The following PUS1 variants were observed in gnomAD, a reference collection of about 807,000 sequenced individuals.
PUS1 encodes pseudouridylate synthase 1 homolog.
In PUS1, 25 loss-of-function variants were observed where a neutral mutation model predicts 38.5. The ratio of observed to expected loss-of-function variants is 0.65; its 90% CI spans 0.47 to 0.91. The LOEUF is 0.91. Ranked by LOEUF, PUS1 falls within the 40% of genes least tolerant of loss-of-function variation. PUS1 has a pLI of 0.00. For synonymous variants in PUS1, 282 were observed against 260.4 expected (o/e 1.08, Z -0.80); for missense variants, 597 against 612.3 (o/e 0.97, Z 0.26).
chr12:131,942,606 C>CAG (rs1891134396), intron 5 of PUS1, among the ~76,000 whole-genome samples: 1 of 152,124 alleles, frequency 6.6e-6, no homozygotes, highest in Non-Finnish European at 1.5e-5. Context: ...TGGGGTTTCA[C>CAG]CATGTTAGCC....
At position 131,938,916 on chromosome 12, in the gene PUS1, A is replaced by G. The variant is rs1890947224; in HGVS notation, c.442-257A>G. The stretch of plus-strand genomic sequence containing the variant: ...TTTTGTATTTTTAGTAGAGACTAAC[A>G]ATACATTTAGTAGAGACTAACATTT... On this transcript the variant is annotated intron_variant, in intron 3 of 5. Transcript: ENST00000376649. Among the ~76,000 whole-genome samples the G allele has an allele frequency of 2.0e-5, 3 of 151,934 alleles. No homozygotes were observed. The South Asian group carries it at 6.2e-4, about 32-fold the overall frequency.
chr12:131,934,035 C>T (rs1188647755), intron 3 of PUS1, among the ~76,000 whole-genome samples: 2 of 152,114 alleles, frequency 1.3e-5, no homozygotes, highest in South Asian at 2.1e-4. Context: ...GTAGGTGAGG[C>T]GGAGAGGAAG....
chr12:131,940,642 A>G (rs1891022936), intron 4 of PUS1, among the ~76,000 whole-genome samples: 1 of 152,078 alleles, frequency 6.6e-6, no homozygotes, highest in African/African-American at 2.4e-5. Flanking sequence ...CAGTGGCGTG[A>G]TCTCGGCTCA....
intron 3 of PUS1, chr12:131,935,077 G>A (rs914496019): frequency 2.7e-5 from 4 of 147,690 alleles, no homozygotes; most frequent in African/African-American, 9.9e-5. Context: ...CACTCCTAGT[G>A]GGTGAGAACA....
chr12:131,930,359 T>G (rs959895039), intron 2 of PUS1, among the ~76,000 whole-genome samples: 2 of 152,180 alleles, frequency 1.3e-5, no homozygotes, highest in African/African-American at 2.4e-5. Flanking sequence ...CGCTGTTATC[T>G]GGGGCGGGGT....
At chr12:131,942,319 A>C (rs1593297505) in intron 5 of PUS1, among the ~76,000 whole-genome samples, 1 of 152,336 alleles carries the variant, frequency 6.6e-6, no homozygotes, top group African/African-American at 2.4e-5. Context: ...TTGTAGGTGC[A>C]GAAGCTAAAA....
In PUS1 at chr12:131,931,934, C is replaced by T. The variant is rs888602882; in HGVS notation, c.304-241C>T. 41 of 624,238 alleles carry T rather than the reference C, an allele frequency of 6.6e-5. No individual in the cohort carries two copies. In the African/African-American group the frequency reaches 7.3e-4, roughly 11 times the overall value. The allele number at this position is 624,238 out of a possible 1,614,324, so 38.7% of individuals were successfully genotyped here. On this transcript the variant is annotated intron_variant, in intron 2 of 5. Coordinates refer to ENST00000376649, the MANE Select transcript of PUS1 (RefSeq NM_025215.6). ...GTGGAAGTAGGTGTATGCACAGGTTCAATCAAACCTGTGTTTTGATTCCAT... is the reference window on the plus strand; with the variant it reads ...GTGGAAGTAGGTGTATGCACAGGTTTAATCAAACCTGTGTTTTGATTCCAT...
chr12:131,932,039 G>C (rs1890623967), intron 2 of PUS1, 136 bp from the exon 3 acceptor site: 1 of 773,192 alleles, frequency 1.3e-6, no homozygotes, highest in Non-Finnish European at 2.3e-6. Context: ...ACATGAGCGT[G>C]GCAGCTCACA....
At chr12:131,933,138 G>A (rs1013632265) in intron 3 of PUS1, among the ~76,000 whole-genome samples, 2 of 151,826 alleles carry the variant, frequency 1.3e-5, no homozygotes, top group African/African-American at 4.8e-5. Context: ...GAGATTTGGC[G>A]GGGACACAGC....
At chr12:131,940,357 C>T (rs2136442080) in intron 4 of PUS1, among the ~76,000 whole-genome samples, 1 of 152,190 alleles carries the variant, frequency 6.6e-6, no homozygotes, top group East Asian at 1.9e-4. Flanking sequence ...TAAGATTCAT[C>T]CGTGCTGTTG....
At chr12:131,935,193 T>C (rs1304353935) in intron 3 of PUS1, among the ~76,000 whole-genome samples, 2 of 152,188 alleles carry the variant, frequency 1.3e-5, no homozygotes, top group African/African-American at 4.8e-5. Context: ...ACAAGTTCAC[T>C]CCTAGTGGGT....
chr12:131,932,519 C>T, intron 3 of PUS1: 1 of 615,294 alleles, frequency 1.6e-6, no homozygotes, highest in Non-Finnish European at 2.9e-6. Context: ...CAGTGGGACT[C>T]TGTGTTCTCT....
chr12:131,929,876 G>A (rs1399647961), intron 1 of PUS1, 31 bp from the exon 2 acceptor site: 8 of 1,342,370 alleles, frequency 6.0e-6, no homozygotes, highest in Admixed American at 2.7e-5. Flanking sequence ...GGTGCCGAGC[G>A]GGCCCCCGCT....
chr12:131,931,426 T>G (rs1483744388), intron 2 of PUS1: 2 of 152,356 alleles, frequency 1.3e-5, no homozygotes, highest in African/African-American at 4.8e-5. Context: ...CCCAAAGTGC[T>G]GGAATTACAG....
At chr12:131,932,602 C>A in intron 3 of PUS1, 1 of 532,428 alleles carries the variant, frequency 1.9e-6, no homozygotes, top group South Asian at 2.0e-5. Flanking sequence ...CAGTGGCGGC[C>A]GCAATGTCTG....
rs1309368674 is a variant in PUS1 at position 131,941,253 on chromosome 12, C to T, written c.545-39C>T. 1 of 1,575,400 alleles carries T rather than the reference C, an allele frequency of 6.3e-7. No homozygotes were observed. Among genetic ancestry groups the T allele is most frequent in the Admixed American group, 1.7e-5 (1 of 59,702 alleles). On this transcript the variant is annotated intron_variant, in intron 4 of 5. Transcript: ENST00000376649. The surrounding 1 kb of genome is among the most constrained non-coding windows in gnomAD (Gnocchi z 4.4). ...CTGCTCCCTGGTCATCCAGGCACTT[C>T]TCACCTGCCTTTCTCCTCCCTGACC...
Position 131,941,205 on chromosome 12 carries a change from C to T in PUS1, c.545-87C>T. 1 of 1,201,420 alleles carries T rather than the reference C, an allele frequency of 8.3e-7. No homozygotes were observed. The highest frequency in any genetic ancestry group is 2.5e-5 in the East Asian group (1 of 40,298). 74.4% of individuals were successfully genotyped at this position (1,201,420 alleles called of 1,614,324 possible). A position where few individuals can be genotyped will look rare whatever the true frequency, so the allele number is the denominator to read the frequency against. On this transcript the variant is annotated intron_variant, in intron 4 of 5. Coordinates refer to ENST00000376649, the MANE Select transcript of PUS1 (RefSeq NM_025215.6). The surrounding 1 kb of genome is among the most constrained non-coding windows in gnomAD (Gnocchi z 4.4). ...GGTCGGTGCTCTGGGTAAGGAGACG[C>T]TGGGGCTCACGCCGTGCTCAGGCTG...
In PUS1 at chr12:131,942,658, G is replaced by A. The variant is rs566524092; in HGVS notation, c.1236+675G>A. Reference sequence around the variant, plus strand: ...CCTGACCTTGTGATCCACCCGCCTTGGCCTCCCAAAGTGCTGGGATTACAG... The same window carrying A: ...CCTGACCTTGTGATCCACCCGCCTTAGCCTCCCAAAGTGCTGGGATTACAG... On this transcript the variant is annotated intron_variant, in intron 5 of 5. Transcript: ENST00000376649. Among the ~76,000 whole-genome samples the A allele has an allele frequency of 8.8e-3, 1,346 of 152,264 alleles. 8 individuals are homozygous for A. The highest frequency in any genetic ancestry group is 0.012 in the Non-Finnish European group (823 of 68,012).
intron 3 of PUS1, among the ~76,000 whole-genome samples, chr12:131,937,627 C>T (rs531218654): frequency 1.3e-5 from 2 of 152,338 alleles, no homozygotes; most frequent in Non-Finnish European, 2.9e-5. Flanking sequence ...CCGCCTGCCC[C>T]GGCTTCCCAA....
Sources: allele counts gnomAD v4.1 joint callset (sites outside exome capture counted in the v4.1 genomes callset), GRCh38; gene constraint gnomAD v4.1.1; non-coding constraint Gnocchi (gnomAD v3.1); transcripts MANE v1.5; gene names NCBI Gene and HGNC (gene_info 2026-07-23, HGNC 2026-07-21).